The following NSMCE1 variants were observed in gnomAD, a reference collection of about 807,000 sequenced individuals.
The protein encoded by NSMCE1 is non-structural maintenance of chromosomes element 1 homolog.
NSMCE1 carries 18 observed loss-of-function variants against 29.6 expected under a neutral mutation model. The observed-to-expected ratio is 0.61, with a 90% CI of 0.42 to 0.90. NSMCE1 has a LOEUF of 0.90. Ranked by LOEUF, NSMCE1 falls within the 40% of genes least tolerant of loss-of-function variation. The pLI is 0.00. For missense variants in NSMCE1, 314 were observed against 343.6 expected (o/e 0.91, Z 0.68); for synonymous variants, 124 against 133.4 (o/e 0.93, Z 0.49).
chr16:27,242,342 G>A (rs72782373), intron 2 of NSMCE1, among the ~76,000 whole-genome samples: 4,501 of 152,274 alleles, frequency 0.03, 95 homozygotes, highest in Non-Finnish European at 0.044. Context: ...CTATTGTTCT[G>A]AGATCTGTAC....
chr16:27,254,928 G>A (rs2084070859), intron 2 of NSMCE1, among the ~76,000 whole-genome samples: 1 of 139,238 alleles, frequency 7.2e-6, no homozygotes, highest in Non-Finnish European at 1.5e-5. Flanking sequence ...CGCCCAAGCT[G>A]GAGTGCAGGG....
intron 1 of NSMCE1, chr16:27,266,659 AAC>A (rs1297721998): frequency 3.3e-5 from 5 of 152,176 alleles, no homozygotes; most frequent in African/African-American, 7.2e-5. Flanking sequence ...AATTAATTAA[AAC>A]AGTTTATTGG....
intron 2 of NSMCE1, among the ~76,000 whole-genome samples, chr16:27,246,868 C>T (rs1353942960): frequency 3.9e-5 from 6 of 152,080 alleles, no homozygotes; most frequent in African/African-American, 1.5e-4. Flanking sequence ...AGTAATTGTA[C>T]ACTGGAGAAA....
chr16:27,252,257 T>C (rs949588717), intron 2 of NSMCE1, among the ~76,000 whole-genome samples: 6 of 152,086 alleles, frequency 3.9e-5, no homozygotes, highest in African/African-American at 1.4e-4. Context: ...ACATGGAACT[T>C]TCAGCCACTC....
chr16:27,251,189 TAAATATATATATATATATAA>T (rs1167713911), intron 2 of NSMCE1, among the ~76,000 whole-genome samples: 7 of 58,808 alleles, frequency 1.2e-4, no homozygotes, highest in African/African-American at 6.0e-4. Context: ...TATATATATA[TAAATATATATATATATATAA>T]AACTCTGTAG....
At chr16:27,225,705 A>G (rs1044233527) in intron 7 of NSMCE1, 21 bp downstream of exon 7, 12 of 1,613,432 alleles carry the variant, frequency 7.4e-6, no homozygotes, top group African/African-American at 1.3e-5. Context: ...CCCTCCCATG[A>G]GCTCCTCAGG....
intron 5 of NSMCE1, among the ~76,000 whole-genome samples, chr16:27,228,637 A>C (rs1596669674): frequency 1.0e-5 from 1 of 99,372 alleles, no homozygotes; most frequent in Admixed American, 1.2e-4. Context: ...ATGGTACCCC[A>C]CCTCTCCAGC....
At chr16:27,239,956 T>TGCCA (rs10693168) in intron 2 of NSMCE1, among the ~76,000 whole-genome samples, 48,436 of 151,936 alleles carry the variant, frequency 0.32, 7,809 homozygotes, top group East Asian at 0.47. Context: ...CCTTATTATG[T>TGCCA]GCCAGCACTA....
chr16:27,236,022 G>A (rs1049810918), intron 2 of NSMCE1, among the ~76,000 whole-genome samples: 6 of 152,212 alleles, frequency 3.9e-5, no homozygotes, highest in Non-Finnish European at 7.3e-5. Flanking sequence ...CCACAAGGCC[G>A]GGGCTTTGAC....
chr16:27,253,702 T>G, intron 2 of NSMCE1, among the ~76,000 whole-genome samples: 1 of 152,316 alleles, frequency 6.6e-6, no homozygotes, highest in Admixed American at 6.5e-5. Flanking sequence ...AAAATAAAAA[T>G]TCAATCTCTG....
At chr16:27,236,382 C>A (rs1268518153) in intron 2 of NSMCE1, among the ~76,000 whole-genome samples, 2 of 151,550 alleles carry the variant, frequency 1.3e-5, no homozygotes, top group Non-Finnish European at 2.9e-5. Flanking sequence ...CTGCAACCTC[C>A]ACCTCCCGGG....
rs1478428393 is a variant in NSMCE1, at chr16:27,232,928, A to G, written c.483+73T>C. 3 of 1,522,130 alleles carry G rather than the reference A, an allele frequency of 2.0e-6. No homozygotes were observed. The highest frequency in any genetic ancestry group is 2.2e-5 in the East Asian group (1 of 44,478). 94.3% of individuals were successfully genotyped at this position (1,522,130 alleles called of 1,614,324 possible). A position where few individuals can be genotyped will look rare whatever the true frequency, so the allele number is the denominator to read the frequency against. ...GCTCCTCAGACATCAGTTGGCTACA[A>G]GTACGATTTTGGAGAAAAAACTGTT... On this transcript the variant is annotated intron_variant, in intron 5 of 7. Transcript: ENST00000361439. This position sits in a 1 kb window ranked among gnomAD's most constrained non-coding sequence, Gnocchi z 4.5.
chr16:27,250,958 C>T (rs1171755859), intron 2 of NSMCE1, among the ~76,000 whole-genome samples: 7 of 144,562 alleles, frequency 4.8e-5, no homozygotes, highest in African/African-American at 1.5e-4. Flanking sequence ...TCTCCTGCCT[C>T]GGCCTCCCGA....
chr16:27,236,646 C>T (rs993913175), intron 2 of NSMCE1, among the ~76,000 whole-genome samples: 2 of 135,870 alleles, frequency 1.5e-5, no homozygotes, highest in African/African-American at 5.7e-5. Context: ...GTTTTCACTA[C>T]TGTTTTTATG....
chr16:27,264,227 G>A lies in NSMCE1; in HGVS notation c.-12+4479C>T, dbSNP rs912998482. ...AAAAACAAAAATTAAAAAAAAAATCGCTGGGCATGATGGTATGCACCTGTA... is the reference window on the plus strand; with the variant it reads ...AAAAACAAAAATTAAAAAAAAAATCACTGGGCATGATGGTATGCACCTGTA... On this transcript the variant is annotated intron_variant, in intron 1 of 7. Transcript: ENST00000361439. Among the ~76,000 whole-genome samples, 10 of 152,068 alleles carry A rather than the reference G, an allele frequency of 6.6e-5. No homozygotes were observed. In the South Asian group the frequency reaches 1.9e-3, roughly 28 times the overall value.
intron 2 of NSMCE1, among the ~76,000 whole-genome samples, chr16:27,240,003 G>A (rs2140996144): frequency 6.6e-6 from 1 of 152,330 alleles, no homozygotes; most frequent in South Asian, 2.1e-4. Context: ...GACAATAACA[G>A]TAACTCCGTA....
At chr16:27,247,902 G>C (rs1387675896) in intron 2 of NSMCE1, among the ~76,000 whole-genome samples, 2 of 151,532 alleles carry the variant, frequency 1.3e-5, no homozygotes, top group Non-Finnish European at 2.9e-5. Flanking sequence ...AATCCAGCCT[G>C]GGCGACAGAG....
intron 2 of NSMCE1, among the ~76,000 whole-genome samples, chr16:27,254,911 G>A (rs140437550): frequency 2.8e-5 from 3 of 108,982 alleles, no homozygotes; most frequent in African/African-American, 1.1e-4. Flanking sequence ...ACATGGTCTC[G>A]CTCTGTCGCC....
chr16:27,254,162 G>C (rs760377839), intron 2 of NSMCE1, among the ~76,000 whole-genome samples: 1 of 152,166 alleles, frequency 6.6e-6, no homozygotes, highest in Non-Finnish European at 1.5e-5. Context: ...TGGGTCTTGC[G>C]AGTATTCACT....
Sources: allele counts gnomAD v4.1 joint callset (sites outside exome capture counted in the v4.1 genomes callset), GRCh38; gene constraint gnomAD v4.1.1; non-coding constraint Gnocchi (gnomAD v3.1); transcripts MANE v1.5; gene names NCBI Gene and HGNC (gene_info 2026-07-23, HGNC 2026-07-21).